PTN: variants seen among roughly 807,000 people sequenced by gnomAD.
The protein encoded by PTN is heparin affin regulatory protein.
A neutral mutation model predicts 24.1 loss-of-function variants in PTN; 18 were observed. That is an observed-to-expected ratio of 0.75 (90% CI 0.52 to 1.11). The LOEUF (loss-of-function observed/expected upper bound fraction) is 1.11, where lower values mean the gene tolerates loss of function less well. Among genes scored for constraint, PTN ranks in the 50% least tolerant of loss-of-function variants. PTN has a pLI of 0.00. For missense variants in PTN, 163 were observed against 198.8 expected (o/e 0.82, Z 1.08); for synonymous variants, 78 against 68.6 (o/e 1.14, Z -0.67).
At chr7:137,229,602 G>T (rs1185508820) in intron 4 of PTN, among the ~76,000 whole-genome samples, 1 of 151,614 alleles carries the variant, frequency 6.6e-6, no homozygotes, top group Admixed American at 6.6e-5. Flanking sequence ...AACTTCAAGG[G>T]TACACTATAT....
chr7:137,239,371 CTTTTTTATTTATTTAT>C (rs1421091492), intron 4 of PTN, among the ~76,000 whole-genome samples: 4 of 129,896 alleles, frequency 3.1e-5, no homozygotes, highest in Admixed American at 2.2e-4. Context: ...ATGTAATTTT[CTTTTTTATTTATTTAT>C]TTATTTATTT....
chr7:137,293,408 C>T (rs918352164), intron 1 of PTN, among the ~76,000 whole-genome samples: 2 of 152,022 alleles, frequency 1.3e-5, no homozygotes, highest in African/African-American at 4.8e-5. Flanking sequence ...AAGCAAACAC[C>T]CCTAAATACC....
intron 4 of PTN, among the ~76,000 whole-genome samples, chr7:137,247,854 C>A (rs971884013): frequency 6.6e-6 from 1 of 152,068 alleles, no homozygotes; most frequent in Non-Finnish European, 1.5e-5. Context: ...GAAATTAAAA[C>A]CCATGGAGGT....
At chr7:137,250,948 C>T (rs1483720630) in intron 4 of PTN, among the ~76,000 whole-genome samples, 1 of 152,146 alleles carries the variant, frequency 6.6e-6, no homozygotes, top group Non-Finnish European at 1.5e-5. Flanking sequence ...AATATATGGT[C>T]ATCATACAAC....
At chr7:137,232,154 A>G (rs1808437602) in intron 4 of PTN, among the ~76,000 whole-genome samples, 1 of 151,910 alleles carries the variant, frequency 6.6e-6, no homozygotes, top group Admixed American at 6.6e-5. Context: ...CCCGGGCCAC[A>G]TGTCCCTTGT....
intron 1 of PTN, among the ~76,000 whole-genome samples, chr7:137,283,254 G>T (rs1015861400): frequency 6.6e-6 from 1 of 152,084 alleles, no homozygotes; most frequent in Non-Finnish European, 1.5e-5. Flanking sequence ...TAGAATAATC[G>T]AACAATTGCC....
chr7:137,243,167 C>T (rs780214949), intron 4 of PTN, among the ~76,000 whole-genome samples: 3 of 152,124 alleles, frequency 2.0e-5, no homozygotes, highest in Non-Finnish European at 4.4e-5. Flanking sequence ...GATCTCTTGA[C>T]CTCGTGATCC....
At chr7:137,256,002 T>G (rs1204332821) in intron 1 of PTN, among the ~76,000 whole-genome samples, 1 of 152,212 alleles carries the variant, frequency 6.6e-6, no homozygotes, top group Non-Finnish European at 1.5e-5. Context: ...TAGATTAGTT[T>G]AGGTGTTTCA....
In PTN at chr7:137,253,555, T is replaced by G; in HGVS notation, c.198A>C (p.Thr66=). 6.2e-7 allele frequency: 1 copy of G among 1,612,548 alleles called. No homozygotes were observed. The highest frequency in any genetic ancestry group is 8.5e-7 in the Non-Finnish European group (1 of 1,179,300). Residue 66 remains threonine, a synonymous_variant, in exon 3 of 5, where the codon ACA becomes ACC. Transcript: ENST00000348225. ...VPTSGDCGLG[T]REGTRTGAEC... ...CAGCTCCAGTCCGAGTGCCCTCCCG[T>G]GTGCCCAGCCCACAGTCTCCACTGG...
chr7:137,280,344 CTAGTCT>C (rs1238182065), intron 1 of PTN, among the ~76,000 whole-genome samples: 1 of 151,832 alleles, frequency 6.6e-6, no homozygotes. Flanking sequence ...GAAGAGAGCT[CTAGTCT>C]GGAGATAGAA....
chr7:137,258,901 T>C (rs1808983139), intron 1 of PTN, among the ~76,000 whole-genome samples: 1 of 151,768 alleles, frequency 6.6e-6, no homozygotes, highest in Non-Finnish European at 1.5e-5. Context: ...TCGTGGCATA[T>C]TTTTTTTAAT....
At chr7:137,236,138 ACT>A (rs1306483954) in intron 4 of PTN, 2 of 701,148 alleles carry the variant, frequency 2.9e-6, no homozygotes, top group East Asian at 5.4e-5. Context: ...TTTCAAATCA[ACT>A]CACCAGTTGC....
intron 1 of PTN, among the ~76,000 whole-genome samples, chr7:137,263,394 A>C (rs774758538): frequency 1.3e-5 from 2 of 152,166 alleles, no homozygotes; most frequent in African/African-American, 2.4e-5. Context: ...AGTAAGGTTA[A>C]ATTTCTTATA....
At chr7:137,235,281 GAACT>G (rs1485736214) in intron 4 of PTN, among the ~76,000 whole-genome samples, 2 of 152,204 alleles carry the variant, frequency 1.3e-5, no homozygotes, top group African/African-American at 4.8e-5. Flanking sequence ...TAGTCATCTA[GAACT>G]ACCTAATCCC....
intron 1 of PTN, among the ~76,000 whole-genome samples, chr7:137,292,119 T>C (rs1298715026): frequency 6.6e-6 from 1 of 152,178 alleles, no homozygotes; most frequent in Non-Finnish European, 1.5e-5. Flanking sequence ...TCATTGCCAC[T>C]GATGTAAAAT....
intron 1 of PTN, among the ~76,000 whole-genome samples, chr7:137,291,255 G>A (rs1018784209): frequency 6.6e-6 from 1 of 151,932 alleles, no homozygotes; most frequent in African/African-American, 2.4e-5. Flanking sequence ...TGGAATGTGG[G>A]GCATTTAAAA....
At chr7:137,312,214 T>C (rs755667820) in intron 1 of PTN, among the ~76,000 whole-genome samples, 5 of 152,232 alleles carry the variant, frequency 3.3e-5, no homozygotes, top group Non-Finnish European at 5.9e-5. Context: ...TTTTTAATTA[T>C]ACAGTTGTAA....
intron 4 of PTN, among the ~76,000 whole-genome samples, chr7:137,244,449 T>C (rs1261966496): frequency 1.3e-5 from 2 of 151,380 alleles, no homozygotes; most frequent in African/African-American, 4.9e-5. Flanking sequence ...GTTACGTATG[T>C]ATACGTGTGC....
intron 1 of PTN, among the ~76,000 whole-genome samples, chr7:137,296,632 G>T (rs1809722153): frequency 1.3e-5 from 2 of 152,112 alleles, no homozygotes; most frequent in South Asian, 4.1e-4. Flanking sequence ...ATTGTTTGGG[G>T]ATTTCTGTGG....
Sources: gnomAD v4.1 joint callset for allele counts (sites outside exome capture counted in the v4.1 genomes callset) on GRCh38, gnomAD v4.1.1 for gene constraint, MANE v1.5 for transcripts, NCBI Gene and HGNC (gene_info 2026-07-23, HGNC 2026-07-21) for gene names.